NELL1: variants seen among roughly 807,000 people sequenced by gnomAD.
NELL1 encodes protein kinase C-binding protein NELL1.
Under a neutral mutation model 107.4 loss-of-function variants are expected in NELL1, and 76 were observed. The ratio of observed to expected loss-of-function variants is 0.71; its 90% CI spans 0.59 to 0.86. The LOEUF (loss-of-function observed/expected upper bound fraction) is 0.86, where lower values mean the gene tolerates loss of function less well. NELL1 is among the 40% of genes least tolerant of loss of function. NELL1 has a pLI of 0.00. For synonymous variants in NELL1, 353 were observed against 341.2 expected (o/e 1.03, Z -0.38); for missense variants, 1,024 against 1,005.5 (o/e 1.02, Z -0.25).
chr11:20,894,654 T>C (rs1156364143), intron 5 of NELL1, among the ~76,000 whole-genome samples: 1 of 152,224 alleles, frequency 6.6e-6, no homozygotes, highest in African/African-American at 2.4e-5. Context: ...ACTGGAGCCT[T>C]CATTCACTGC....
At chr11:21,072,522 A>T (rs10766765) in intron 12 of NELL1, among the ~76,000 whole-genome samples, 63,966 of 152,036 alleles carry the variant, frequency 0.42, 13,627 homozygotes, top group African/African-American at 0.44. Context: ...TCATGCTGCA[A>T]GTTCTTGGCA....
At chr11:21,015,861 C>T (rs906543179) in intron 12 of NELL1, among the ~76,000 whole-genome samples, 1 of 152,104 alleles carries the variant, frequency 6.6e-6, no homozygotes, top group Non-Finnish European at 1.5e-5. Context: ...CACAAGCCTC[C>T]TGCTAATCAT....
chr11:21,431,394 T>G (rs1305211838), intron 15 of NELL1, among the ~76,000 whole-genome samples: 2 of 152,332 alleles, frequency 1.3e-5, no homozygotes, highest in East Asian at 3.9e-4. Context: ...CTTGTAAATT[T>G]CACTAAGGTA....
intron 2 of NELL1, among the ~76,000 whole-genome samples, chr11:20,706,170 T>G (rs1362618146): frequency 6.6e-6 from 1 of 152,126 alleles, no homozygotes; most frequent in Non-Finnish European, 1.5e-5. Flanking sequence ...TACTGGGTTA[T>G]ATACCCAAAG....
intron 14 of NELL1, among the ~76,000 whole-genome samples, chr11:21,256,353 T>C (rs1245374554): frequency 6.6e-6 from 1 of 152,052 alleles, no homozygotes; most frequent in East Asian, 1.9e-4. Flanking sequence ...TTCTGCACTG[T>C]GTAGTTAACA....
At chr11:20,684,815 T>C (rs1328642756) in intron 2 of NELL1, among the ~76,000 whole-genome samples, 1 of 152,100 alleles carries the variant, frequency 6.6e-6, no homozygotes, top group Non-Finnish European at 1.5e-5. Context: ...GAACTAATTA[T>C]TTACCATCAC....
intron 5 of NELL1, among the ~76,000 whole-genome samples, chr11:20,886,278 T>G (rs1849506813): frequency 6.6e-6 from 1 of 152,100 alleles, no homozygotes; most frequent in African/African-American, 2.4e-5. Context: ...ACTGCATTAT[T>G]ATACTTCACA....
At chr11:21,022,238 C>A (rs1852717929) in intron 12 of NELL1, among the ~76,000 whole-genome samples, 1 of 152,030 alleles carries the variant, frequency 6.6e-6, no homozygotes, top group South Asian at 2.1e-4. Context: ...TTTGGCGTTA[C>A]CTTTAAAGGA....
chr11:20,690,057 T>C (rs373488513), intron 2 of NELL1, among the ~76,000 whole-genome samples: 4 of 152,200 alleles, frequency 2.6e-5, no homozygotes, highest in Admixed American at 2.6e-4. Context: ...CATTTTTTCA[T>C]GTGTCTTCTG....
chr11:21,540,716 A>G (rs557416414), intron 16 of NELL1, among the ~76,000 whole-genome samples: 1 of 152,198 alleles, frequency 6.6e-6, no homozygotes, highest in East Asian at 1.9e-4. Context: ...CCCACTCACC[A>G]TCATGAGAAC....
intron 12 of NELL1, among the ~76,000 whole-genome samples, chr11:21,008,044 A>G (rs1287383962): frequency 6.6e-6 from 1 of 152,090 alleles, no homozygotes; most frequent in South Asian, 2.1e-4. Flanking sequence ...TGGTAGGGTA[A>G]ATGGTTGCTT....
At chr11:21,444,613 A>G (rs1378446839) in intron 15 of NELL1, among the ~76,000 whole-genome samples, 1 of 152,128 alleles carries the variant, frequency 6.6e-6, no homozygotes. Flanking sequence ...GATACATAGT[A>G]GGGATATATA....
intron 14 of NELL1, among the ~76,000 whole-genome samples, chr11:21,319,207 G>T (rs1001079796): frequency 6.6e-6 from 1 of 151,098 alleles, no homozygotes; most frequent in African/African-American, 2.4e-5. Context: ...ACAGAGTCTT[G>T]CTATGTCACC....
intron 7 of NELL1, 55 bp downstream of exon 7, chr11:20,919,389 A>T: frequency 9.2e-7 from 1 of 1,089,562 alleles, no homozygotes; most frequent in South Asian, 1.3e-5. Context: ...TCCTATCTGG[A>T]ATTTGGAGTG....
intron 15 of NELL1, among the ~76,000 whole-genome samples, chr11:21,510,323 T>A (rs1377475436): frequency 4.6e-5 from 7 of 152,192 alleles, no homozygotes; most frequent in African/African-American, 7.2e-5. Flanking sequence ...AGAATCCAAA[T>A]GCAATTTAGA....
intron 16 of NELL1, among the ~76,000 whole-genome samples, chr11:21,544,914 T>C (rs1856397382): frequency 6.6e-6 from 1 of 151,764 alleles, no homozygotes; most frequent in African/African-American, 2.4e-5. Flanking sequence ...TGGCAAAAAA[T>C]GATTGCATAC....
At chr11:20,692,303 T>C (rs1381023904) in intron 2 of NELL1, among the ~76,000 whole-genome samples, 1 of 152,138 alleles carries the variant, frequency 6.6e-6, no homozygotes, top group Non-Finnish European at 1.5e-5. Flanking sequence ...TGCTCTGATT[T>C]TATTTATTTC....
chr11:20,900,813 A>C (rs1318542049), intron 5 of NELL1, among the ~76,000 whole-genome samples: 1 of 152,116 alleles, frequency 6.6e-6, no homozygotes, highest in Non-Finnish European at 1.5e-5. Flanking sequence ...TCAATAGTGA[A>C]AATTTGTTTT....
At chr11:20,786,035 A>T (rs10624242) in intron 3 of NELL1, among the ~76,000 whole-genome samples, 41,486 of 143,998 alleles carry the variant, frequency 0.29, 6,628 homozygotes, top group African/African-American at 0.43. Context: ...AAACTTCAGA[A>T]TTTTTTTTTT....
Sources: allele counts gnomAD v4.1 joint callset (sites outside exome capture counted in the v4.1 genomes callset), GRCh38; gene constraint gnomAD v4.1.1; transcripts MANE v1.5; gene names NCBI Gene and HGNC (gene_info 2026-07-23, HGNC 2026-07-21).